NYAP2: variants seen among roughly 807,000 people sequenced by gnomAD.
NYAP2 encodes the protein neuronal tyrosine-phosphorylated phosphoinositide-3-kinase adaptor 2.
A neutral mutation model predicts 50.4 loss-of-function variants in NYAP2; 23 were observed. The observed-to-expected ratio is 0.46, with a 90% CI of 0.33 to 0.65. NYAP2 has a LOEUF of 0.65. Ranked by LOEUF, NYAP2 falls within the 30% of genes least tolerant of loss-of-function variation. The pLI, the probability that NYAP2 is intolerant of heterozygous loss-of-function variation, is 0.02. For synonymous variants in NYAP2, 394 were observed against 365.2 expected (o/e 1.08, Z -0.90); for missense variants, 885 against 861.0 (o/e 1.03, Z -0.35).
At chr2:225,631,774 T>A (rs759153992) in intron 6 of NYAP2, among the ~76,000 whole-genome samples, 8 of 152,218 alleles carry the variant, frequency 5.3e-5, no homozygotes, top group Non-Finnish European at 1.0e-4. Flanking sequence ...ATAGAGTATC[T>A]GAAGTTCACA....
intron 2 of NYAP2, among the ~76,000 whole-genome samples, chr2:225,402,685 T>C (rs1694882433): frequency 6.6e-6 from 1 of 152,090 alleles, no homozygotes; most frequent in Non-Finnish European, 1.5e-5. Context: ...TCAGTGTCTT[T>C]GTAGTCACTT....
At chr2:225,698,835 CAA>C in the NYAP2 span, 2 of 151,946 alleles carry the variant, frequency 1.3e-5, no homozygotes, top group African/African-American at 2.4e-5. Context: ...ACAGAAATAT[CAA>C]GAGTTTACTA....
intron 3 of NYAP2, among the ~76,000 whole-genome samples, chr2:225,498,102 T>C (rs1389103990): frequency 1.3e-5 from 2 of 152,076 alleles, no homozygotes; most frequent in African/African-American, 2.4e-5. Flanking sequence ...TCTAAAATAA[T>C]TTATATCCAT....
At chr2:225,423,494 A>G (rs1330392975) in intron 3 of NYAP2, among the ~76,000 whole-genome samples, 1 of 152,168 alleles carries the variant, frequency 6.6e-6, no homozygotes, top group Non-Finnish European at 1.5e-5. Context: ...CAAGAGTTCA[A>G]TTCAGGCTTG....
At chr2:225,455,824 G>A (rs1257224206) in intron 3 of NYAP2, among the ~76,000 whole-genome samples, 1 of 152,160 alleles carries the variant, frequency 6.6e-6, no homozygotes, top group Non-Finnish European at 1.5e-5. Flanking sequence ...AAGTGCTTTG[G>A]TTGAAGGTTC....
intron 5 of NYAP2, among the ~76,000 whole-genome samples, chr2:225,596,892 G>C (rs531488166): frequency 1.3e-5 from 2 of 152,176 alleles, no homozygotes; most frequent in Admixed American, 1.3e-4. Flanking sequence ...TAGATTGCAT[G>C]GTATTGAATA....
intron 4 of NYAP2, among the ~76,000 whole-genome samples, chr2:225,520,170 T>C (rs1373999931): frequency 6.6e-6 from 1 of 152,248 alleles, no homozygotes; most frequent in Non-Finnish European, 1.5e-5. Context: ...TTCTGGATAT[T>C]AGCCTTTTGT....
intron 4 of NYAP2, among the ~76,000 whole-genome samples, chr2:225,571,305 G>A (rs1692068466): frequency 6.6e-6 from 1 of 152,234 alleles, no homozygotes. Flanking sequence ...ATTAGGAAGT[G>A]CCACAGTGGG....
intron 6 of NYAP2, among the ~76,000 whole-genome samples, chr2:225,634,015 T>C (rs926404817): frequency 6.6e-5 from 10 of 152,308 alleles, no homozygotes; most frequent in Admixed American, 3.3e-4. Context: ...CTTGTCCTCC[T>C]GGCTTTTATT....
At chr2:225,513,275 T>G in intron 3 of NYAP2, 96 bp from the exon 4 acceptor site, 1 of 1,121,046 alleles carries the variant, frequency 8.9e-7, no homozygotes, top group South Asian at 1.5e-5. Flanking sequence ...AAATGAAGAT[T>G]TGAAATTTTC....
At chr2:225,643,414 T>C (rs1693567401) in intron 6 of NYAP2, among the ~76,000 whole-genome samples, 1 of 152,152 alleles carries the variant, frequency 6.6e-6, no homozygotes, top group South Asian at 2.1e-4. Context: ...TACCTTTTCT[T>C]TTTTTCGGCT....
chr2:225,650,538 A>G (rs1693712061), intron 6 of NYAP2, among the ~76,000 whole-genome samples: 1 of 152,222 alleles, frequency 6.6e-6, no homozygotes, highest in Non-Finnish European at 1.5e-5. Flanking sequence ...TAAGTTGAGG[A>G]TATTGATAGC....
At position 225,553,217 on chromosome 2, in the gene NYAP2, G is replaced by A. The variant is rs547081821; in HGVS notation, c.524-28724G>A. Among the ~76,000 whole-genome samples the A allele has an allele frequency of 1.4e-4, 22 of 152,322 alleles. No homozygotes were observed. In the South Asian group the frequency reaches 4.6e-3, roughly 32 times the overall value. ...GGTTCTAGGACCACTAGAAGAACCT[G>A]GAAACTGGAACCAAATGCTACCACT... On this transcript the variant is annotated intron_variant, in intron 4 of 6. Transcript: ENST00000636099.
At chr2:225,591,322 C>G (rs983562476) in intron 5 of NYAP2, among the ~76,000 whole-genome samples, 5 of 152,088 alleles carry the variant, frequency 3.3e-5, no homozygotes, top group African/African-American at 1.2e-4. Context: ...GGCCAAGGAG[C>G]TGAGGAATTG....
At chr2:225,625,745 T>C (rs926346109) in intron 5 of NYAP2, among the ~76,000 whole-genome samples, 1 of 152,106 alleles carries the variant, frequency 6.6e-6, no homozygotes, top group African/African-American at 2.4e-5. Context: ...TTCTTGCCGA[T>C]GATATTAAAG....
At chr2:225,473,060 T>C (rs369988622) in intron 3 of NYAP2, among the ~76,000 whole-genome samples, 1 of 152,190 alleles carries the variant, frequency 6.6e-6, no homozygotes, top group South Asian at 2.1e-4. Flanking sequence ...CATGCGGTGT[T>C]TGGTTTTTTG....
chr2:225,411,198 G>C (rs1695033252), intron 3 of NYAP2, among the ~76,000 whole-genome samples: 1 of 152,108 alleles, frequency 6.6e-6, no homozygotes, highest in South Asian at 2.1e-4. Context: ...TAGCAGTAAA[G>C]GTGGTGTAAA....
chr2:225,409,090 A>T, exon 3 of NYAP2: 1 of 1,591,818 alleles, frequency 6.3e-7, no homozygotes, highest in Non-Finnish European at 8.6e-7. Flanking sequence ...GACAAGAAGA[A>T]GCAATAAAGC....
chr2:225,446,180 C>CTCTGTCTGTCTGTCTG (rs60541469), intron 3 of NYAP2, among the ~76,000 whole-genome samples: 4 of 79,202 alleles, frequency 5.1e-5, no homozygotes, highest in Admixed American at 1.7e-4. Context: ...GACTCCATCT[C>CTCTGTCTGTCTGTCTG]TCTGTCTGTC....
Sources: allele counts gnomAD v4.1 joint callset (sites outside exome capture counted in the v4.1 genomes callset), GRCh38; gene constraint gnomAD v4.1.1; transcripts MANE v1.5; gene names NCBI Gene and HGNC (gene_info 2026-07-23, HGNC 2026-07-21).